The following METTL15 variants were observed in gnomAD, a reference collection of about 807,000 sequenced individuals.
METTL15 encodes the protein methyltransferase 15, mitochondrial 12S rRNA N4-cytidine.
In METTL15, 34 loss-of-function variants were observed where a neutral mutation model predicts 38.3. That is an observed-to-expected ratio of 0.89 (90% CI 0.68 to 1.18). METTL15 has a LOEUF of 1.18. Among genes scored for constraint, METTL15 ranks in the 50% most tolerant of loss-of-function variants. The probability of loss-of-function intolerance (pLI) is 0.00; values close to 1 mark genes in which losing one functional copy is unlikely to be tolerated. For synonymous variants in METTL15, 162 were observed against 170.9 expected, an observed-to-expected ratio of 0.95 and a Z score of 0.41; for missense variants, 438 against 498.4, an observed-to-expected ratio of 0.88 and a Z score of 1.15.
chr11:28,399,730 T>A (rs2133402884), intron 5 of METTL15, among the ~76,000 whole-genome samples: 1 of 152,058 alleles, frequency 6.6e-6, no homozygotes, highest in African/African-American at 2.4e-5. Flanking sequence ...TCAAAATGCA[T>A]TTCCTTATTG....
intron 6 of METTL15, among the ~76,000 whole-genome samples, chr11:28,309,897 A>T (rs1857215365): frequency 6.6e-6 from 1 of 152,088 alleles, no homozygotes; most frequent in African/African-American, 2.4e-5. Context: ...AATATCCACC[A>T]TTACCATTGT....
intron 6 of METTL15, among the ~76,000 whole-genome samples, chr11:28,428,733 C>G (rs771913404): frequency 6.6e-6 from 1 of 152,154 alleles, no homozygotes; most frequent in Non-Finnish European, 1.5e-5. Flanking sequence ...GGCACATAAT[C>G]CTCGACCTAG....
chr11:28,342,050 G>T (rs1564901177), intron 3 of METTL15, among the ~76,000 whole-genome samples: 1 of 152,076 alleles, frequency 6.6e-6, no homozygotes, highest in South Asian at 2.1e-4. Flanking sequence ...ATGTCTGAAA[G>T]GTGTAAAACT....
At chr11:28,231,685 T>G (rs756298174) in intron 4 of METTL15, among the ~76,000 whole-genome samples, 1 of 151,918 alleles carries the variant, frequency 6.6e-6, no homozygotes, top group African/African-American at 2.4e-5. Context: ...TCTCTTCATG[T>G]CTATGTGCTG....
intron 3 of METTL15, among the ~76,000 whole-genome samples, chr11:28,343,342 A>G (rs1284704812): frequency 6.6e-6 from 1 of 152,226 alleles, no homozygotes; most frequent in African/African-American, 2.4e-5. Flanking sequence ...AGAGAAAGCT[A>G]TTGAATTTCA....
chr11:28,216,775 T>C (rs1350608694), intron 4 of METTL15, among the ~76,000 whole-genome samples: 1 of 140,164 alleles, frequency 7.1e-6, no homozygotes, highest in Admixed American at 8.0e-5. Context: ...AGTGTTCTCA[T>C]TGTTCAACTC....
chr11:28,123,867 G>C, intron 3 of METTL15: 1 of 1,476,348 alleles, frequency 6.8e-7, no homozygotes. Context: ...GCAAGCAAAA[G>C]AAGTAAACTG....
At chr11:28,485,890 C>T (rs1344515371) in intron 6 of METTL15, among the ~76,000 whole-genome samples, 1 of 152,270 alleles carries the variant, frequency 6.6e-6, no homozygotes, top group South Asian at 2.1e-4. Flanking sequence ...CCTCAGATGG[C>T]CTTTCTTCTA....
rs191636760 is a variant in METTL15, at chr11:28,120,501, C to G, written c.270+6897C>G. On this transcript the variant is annotated intron_variant, in intron 3 of 6. Coordinates refer to ENST00000407364, the MANE Select transcript of METTL15 (RefSeq NM_001113528.2). The stretch of plus-strand genomic sequence containing the variant: ...TCTGGTAAAGGTTTAACACCTGGCT[C>G]TCTGGGGGTAAGGGGTGGTATGTGA... Among the ~76,000 whole-genome samples the G allele has an allele frequency of 2.8e-3, 425 of 151,414 alleles. 2 individuals are homozygous for G. Among genetic ancestry groups the G allele is most frequent in the Non-Finnish European group, 4.7e-3 (317 of 67,896 alleles).
chr11:28,386,158 T>C (rs1850438364), intron 5 of METTL15, among the ~76,000 whole-genome samples: 1 of 151,432 alleles, frequency 6.6e-6, no homozygotes, highest in Non-Finnish European at 1.5e-5. Flanking sequence ...CTACAAAAAA[T>C]CAACAAAACA....
chr11:28,367,626 A>AGCCT (rs1425825145), intron 5 of METTL15, among the ~76,000 whole-genome samples: 1 of 152,194 alleles, frequency 6.6e-6, no homozygotes, highest in Non-Finnish European at 1.5e-5. Context: ...ACCAAAAAAG[A>AGCCT]GCCTGCATAG....
chr11:28,191,379 T>TA (rs1458370747), intron 3 of METTL15, among the ~76,000 whole-genome samples: 3 of 151,262 alleles, frequency 2.0e-5, no homozygotes, highest in Non-Finnish European at 4.4e-5. Context: ...TAGGAAGATT[T>TA]AAAAAAATCC....
At chr11:28,443,375 G>T (rs946892878) in intron 6 of METTL15, among the ~76,000 whole-genome samples, 1 of 152,078 alleles carries the variant, frequency 6.6e-6, no homozygotes, top group African/African-American at 2.4e-5. Context: ...ATTGAACAGG[G>T]TCAGCAGTTG....
chr11:28,475,736 G>A (rs1323013895), intron 6 of METTL15, among the ~76,000 whole-genome samples: 3 of 152,158 alleles, frequency 2.0e-5, no homozygotes, highest in Non-Finnish European at 2.9e-5. Context: ...GAATCTGAGC[G>A]GTCCAAAGGG....
chr11:28,254,668 A>C (rs557975275), intron 4 of METTL15, among the ~76,000 whole-genome samples: 10 of 152,300 alleles, frequency 6.6e-5, no homozygotes, highest in African/African-American at 2.4e-4. Context: ...GTATATGGCA[A>C]GAGATAGGGG....
At chr11:28,454,157 A>G (rs114774905) in intron 6 of METTL15, among the ~76,000 whole-genome samples, 72 of 152,330 alleles carry the variant, frequency 4.7e-4, no homozygotes, top group African/African-American at 1.6e-3. Flanking sequence ...GGGACCCCTG[A>G]TCAGTTAGCC....
intron 4 of METTL15, among the ~76,000 whole-genome samples, chr11:28,275,119 C>A (rs2064324139): frequency 6.7e-6 from 1 of 150,356 alleles, no homozygotes; most frequent in African/African-American, 2.4e-5. Context: ...ATAAAAAGAT[C>A]AAAGGGAAGC....
intron 4 of METTL15, among the ~76,000 whole-genome samples, chr11:28,212,508 A>G (rs1852685181): frequency 6.6e-6 from 1 of 152,128 alleles, no homozygotes; most frequent in African/African-American, 2.4e-5. Context: ...GTCCCTTTGT[A>G]CCTGAGGAGA....
rs916773335 is a variant in METTL15 at position 28,389,790 on chromosome 11, C to A, written c.*358+27754C>A. On this transcript the variant is annotated intron_variant and NMD_transcript_variant, in intron 5 of 7. Coordinates refer to the METTL15 transcript ENST00000532947. ...TCAAATGGTATTTCTAGTTCTAGATCCCTGAGGAATCGCCACACTGTCTTC... is the reference window on the plus strand; with the variant it reads ...TCAAATGGTATTTCTAGTTCTAGATACCTGAGGAATCGCCACACTGTCTTC... Among the ~76,000 whole-genome samples, 236 of 151,608 alleles carry A rather than the reference C, an allele frequency of 1.6e-3. 1 individual carries two copies. The highest frequency in any genetic ancestry group is 5.5e-3 in the African/African-American group (228 of 41,352).
Sources: allele counts gnomAD v4.1 joint callset (sites outside exome capture counted in the v4.1 genomes callset), GRCh38; gene constraint gnomAD v4.1.1; transcripts MANE v1.5; gene names NCBI Gene and HGNC (gene_info 2026-07-23, HGNC 2026-07-21).